Variants in DCLK2 observed in about 807,000 individuals in gnomAD.
DCLK2 encodes serine/threonine-protein kinase DCLK2.
Under a neutral mutation model 78.4 loss-of-function variants are expected in DCLK2, and 31 were observed. The ratio of observed to expected loss-of-function variants is 0.40; its 90% CI spans 0.30 to 0.53. The LOEUF is 0.53. Ranked by LOEUF, DCLK2 falls within the 20% of genes least tolerant of loss-of-function variation. DCLK2 has a pLI of 0.61. For missense variants in DCLK2, 872 were observed against 973.7 expected (o/e 0.90, Z 1.39); for synonymous variants, 407 against 374.9 (o/e 1.09, Z -0.99).
intron 2 of DCLK2, among the ~76,000 whole-genome samples, chr4:150,103,258 G>GA (rs1731012290): frequency 6.6e-6 from 1 of 152,084 alleles, no homozygotes; most frequent in Admixed American, 6.6e-5. Flanking sequence ...ATATAATAGG[G>GA]AAAATGTATT....
intron 10 of DCLK2, among the ~76,000 whole-genome samples, chr4:150,237,329 C>A (rs144325225): frequency 3.9e-4 from 59 of 152,212 alleles, no homozygotes; most frequent in Admixed American, 7.9e-4. Flanking sequence ...ATCTGGAATC[C>A]GTTACTTTAG....
chr4:150,249,529 T>C (rs767612323), intron 14 of DCLK2, 39 bp from the exon 15 acceptor site: 3 of 1,573,464 alleles, frequency 1.9e-6, no homozygotes, highest in South Asian at 1.1e-5. Flanking sequence ...AACGGGAGGA[T>C]GGAAAAAGCA....
intron 8 of DCLK2, among the ~76,000 whole-genome samples, chr4:150,227,880 G>A (rs77217638): frequency 6.6e-6 from 1 of 152,066 alleles, no homozygotes; most frequent in Non-Finnish European, 1.5e-5. Context: ...CGTTTCCCCA[G>A]GCTGTGGGAA....
At chr4:150,168,934 A>T (rs1334005249) in intron 2 of DCLK2, among the ~76,000 whole-genome samples, 1 of 151,996 alleles carries the variant, frequency 6.6e-6, no homozygotes, top group Non-Finnish European at 1.5e-5. Flanking sequence ...TGATCTGGAG[A>T]TGCAGTGTTT....
intron 2 of DCLK2, among the ~76,000 whole-genome samples, chr4:150,189,699 G>A (rs1054139066): frequency 6.6e-6 from 1 of 152,110 alleles, no homozygotes; most frequent in Admixed American, 6.5e-5. Context: ...GGTGAGGGCA[G>A]TGGATAATGT....
chr4:150,196,267 A>G lies in DCLK2; in HGVS notation c.860-1735A>G, dbSNP rs542742354. ...TCATAAACCTAGGATATAGTTCTGC[A>G]GTTCTAGGTTGTTGGCTCTTGATAT... On this transcript the variant is annotated intron_variant, in intron 3 of 15. Coordinates refer to ENST00000296550, the MANE Select transcript of DCLK2 (RefSeq NM_001040260.4). 7.2e-5 allele frequency among the ~76,000 whole-genome samples: 11 copies of G among 152,314 alleles called. No individual in the cohort carries two copies. In the South Asian group the frequency reaches 2.1e-3, roughly 29 times the overall value.
At chr4:150,132,865 CTG>C (rs1733422130) in intron 2 of DCLK2, among the ~76,000 whole-genome samples, 1 of 152,202 alleles carries the variant, frequency 6.6e-6, no homozygotes, top group African/African-American at 2.4e-5. Context: ...TGTGCTCAAA[CTG>C]TCCTCCCACC....
At chr4:150,241,973 A>G (rs1742959892) in intron 12 of DCLK2, among the ~76,000 whole-genome samples, 1 of 152,226 alleles carries the variant, frequency 6.6e-6, no homozygotes, top group East Asian at 1.9e-4. Flanking sequence ...AGCCTATGGC[A>G]TGGTGTTTAT....
chr4:150,182,434 G>A (rs1396677181), intron 2 of DCLK2, among the ~76,000 whole-genome samples: 2 of 152,082 alleles, frequency 1.3e-5, no homozygotes, highest in African/African-American at 4.8e-5. Context: ...CTGGAATAAC[G>A]TTAGTTACAA....
chr4:150,190,117 AGGAGGTT>A (rs898043823), intron 2 of DCLK2, among the ~76,000 whole-genome samples: 2 of 146,726 alleles, frequency 1.4e-5, no homozygotes, highest in African/African-American at 5.0e-5. Flanking sequence ...ACTTGAGCCC[AGGAGGTT>A]GTGGAGGTTG....
chr4:150,201,701 C>G (rs959364304), intron 4 of DCLK2, among the ~76,000 whole-genome samples: 2 of 151,994 alleles, frequency 1.3e-5, no homozygotes, highest in African/African-American at 4.8e-5. Flanking sequence ...CCAAGGTAGC[C>G]TTTGCTATCA....
intron 2 of DCLK2, among the ~76,000 whole-genome samples, chr4:150,158,111 A>G (rs1404249397): frequency 1.3e-5 from 2 of 152,196 alleles, no homozygotes; most frequent in Non-Finnish European, 2.9e-5. Context: ...ACAGTTCTGG[A>G]GATGAGAAGA....
intron 2 of DCLK2, among the ~76,000 whole-genome samples, chr4:150,104,417 A>AAAAAAAAAAAAAAAAAAAAAC (rs1731102261): frequency 6.7e-6 from 1 of 150,090 alleles, no homozygotes; most frequent in African/African-American, 2.4e-5. Context: ...AAAAAAAAAA[A>AAAAAAAAAAAAAAAAAAAAAC]AAAAAATCGA....
At chr4:150,125,233 T>A (rs1732838849) in intron 2 of DCLK2, among the ~76,000 whole-genome samples, 1 of 152,240 alleles carries the variant, frequency 6.6e-6, no homozygotes, top group South Asian at 2.1e-4. Context: ...AGGATGCATT[T>A]ATCTTATGAA....
chr4:150,234,741 C>T (rs1169247185), intron 10 of DCLK2, among the ~76,000 whole-genome samples: 5 of 150,508 alleles, frequency 3.3e-5, no homozygotes, highest in African/African-American at 1.2e-4. Flanking sequence ...AGAAATATCC[C>T]TGCTCTGTGT....
Position 150,249,582 on chromosome 4 carries a change from G to A in DCLK2, c.1971G>A (p.Gln657=). The change falls in exon 15 of 16, where the codon CAG becomes CAA. Residue 657 remains glutamine, a synonymous_variant. Coordinates refer to ENST00000296550, the MANE Select transcript of DCLK2 (RefSeq NM_001040260.4). Reference sequence around the variant, plus strand: ...CTTTCCTGTAGGATGATGCCTCCCAGGAGAATAACATGCAAGCTGAGGTGA... The same window carrying A: ...CTTTCCTGTAGGATGATGCCTCCCAAGAGAATAACATGCAAGCTGAGGTGA... ...SHPWVSDDAS[Q]ENNMQAEVTG... is the part of the protein sequence containing the mutation. 6.2e-7 allele frequency: 1 copy of A among 1,613,628 alleles called. No individual in the cohort carries two copies. Among genetic ancestry groups the A allele is most frequent in the Admixed American group, 1.7e-5 (1 of 60,010 alleles).
At chr4:150,219,499 G>A (rs1741009533) in intron 5 of DCLK2, among the ~76,000 whole-genome samples, 1 of 151,986 alleles carries the variant, frequency 6.6e-6, no homozygotes, top group African/African-American at 2.4e-5. Flanking sequence ...CACCTCAGGT[G>A]ATCCACCCGT....
chr4:150,078,991 G>A lies in DCLK2; in HGVS notation c.-37G>A, dbSNP rs1729022972. Reference sequence around the variant, plus strand: ...CGGCGCTCGCACCCTTAGTCGGCCCGGAACGTCTTTTTGCGGACGCCCTCG... The same window carrying A: ...CGGCGCTCGCACCCTTAGTCGGCCCAGAACGTCTTTTTGCGGACGCCCTCG... On this transcript the variant is annotated 5_prime_UTR_variant, in exon 1 of 16. Transcript: ENST00000296550. 6.6e-7 allele frequency: 1 copy of A among 1,505,364 alleles called. No homozygotes were observed. The highest frequency in any genetic ancestry group is 8.8e-7 in the Non-Finnish European group (1 of 1,130,608). 93.3% of individuals were successfully genotyped at this position (1,505,364 alleles called of 1,614,324 possible).
chr4:150,184,422 A>G (rs1442011924), intron 2 of DCLK2, among the ~76,000 whole-genome samples: 2 of 152,214 alleles, frequency 1.3e-5, no homozygotes, highest in Non-Finnish European at 1.5e-5. Flanking sequence ...CTCTTTTAAG[A>G]AACTAAAATA....
Sources: allele counts gnomAD v4.1 joint callset (sites outside exome capture counted in the v4.1 genomes callset), GRCh38; gene constraint gnomAD v4.1.1; transcripts MANE v1.5; gene names NCBI Gene and HGNC (gene_info 2026-07-23, HGNC 2026-07-21).